COQ8B: variants seen among roughly 807,000 people sequenced by gnomAD.
The protein encoded by COQ8B is coenzyme Q8B.
Under a neutral mutation model 62.0 loss-of-function variants are expected in COQ8B, and 44 were observed. The observed-to-expected ratio is 0.71, with a 90% CI of 0.56 to 0.91. The LOEUF is 0.91. Among genes scored for constraint, COQ8B ranks in the 40% least tolerant of loss-of-function variants. The probability of loss-of-function intolerance (pLI) is 0.00; values close to 1 mark genes in which losing one functional copy is unlikely to be tolerated. For synonymous variants in COQ8B, 252 were observed against 289.9 expected, an observed-to-expected ratio of 0.87 and a Z score of 1.33; for missense variants, 649 against 731.6, an observed-to-expected ratio of 0.89 and a Z score of 1.30.
intron 4 of COQ8B, among the ~76,000 whole-genome samples, 191 bp downstream of exon 4, chr19:40,713,876 C>CAA (rs374895523): frequency 6.9e-5 from 8 of 116,548 alleles, no homozygotes; most frequent in Admixed American, 3.6e-4. Flanking sequence ...GACTCTGTCT[C>CAA]AAAAAAAAAA....
rs1182011210 is a variant in COQ8B, at chr19:40,692,077, G to A, written c.1593C>T (p.Gly531=). Residue 531 remains glycine (G), a synonymous_variant, in exon 15 of 15, where the codon GGC becomes GGT. Coordinates refer to ENST00000324464, the MANE Select transcript of COQ8B (RefSeq NM_024876.4). ...ASRQPDAATA[G]SLPTKGDSWV... ...AGGAGTCCCCTTTGGTGGGGAGGCT[G>A]CCGGCAGTGGCTGCGTCTGGCTGGC... is the stretch of plus-strand genomic sequence containing the variant. 3.1e-6 allele frequency: 5 copies of A among 1,608,414 alleles called. No homozygotes were observed. The highest frequency in any genetic ancestry group is 1.7e-5 in the Admixed American group (1 of 59,264).
intron 5 of COQ8B, among the ~76,000 whole-genome samples, chr19:40,709,833 C>A (rs751114448): frequency 6.6e-6 from 1 of 151,926 alleles, no homozygotes; most frequent in Non-Finnish European, 1.5e-5. Context: ...CAGAGTGAGA[C>A]TCCATCTCAA....
Position 40,714,532 on chromosome 19 carries a change from C to T in COQ8B, c.101G>A (p.Trp34Ter), listed in dbSNP as rs1057519345. 3.7e-6 allele frequency: 6 copies of T among 1,613,762 alleles called. No homozygotes were observed. The highest frequency in any genetic ancestry group is 4.2e-6 in the Non-Finnish European group (5 of 1,179,910). ...GGGACCTGCTCCCTAGCCTCTTACC[C>T]AGCGGTGGGGCCCAGGCCCCAGGGC... ...CGALGPGPHR[W>*]GPCGGSWAQK... Residue 34 changes from tryptophan (W) to a stop codon, truncating the protein, a stop_gained and splice_region_variant, in exon 2 of 15, where the codon TGG becomes TAG. Coordinates refer to ENST00000324464, the MANE Select transcript of COQ8B (RefSeq NM_024876.4). LOFTEE classifies it high-confidence loss of function.
chr19:40,716,145 G>A (rs1335242151), intron 1 of COQ8B, among the ~76,000 whole-genome samples: 1 of 152,072 alleles, frequency 6.6e-6, no homozygotes, highest in African/African-American at 2.4e-5. Flanking sequence ...GTGGGCTCCT[G>A]CCTTCGATTT....
intron 1 of COQ8B, chr19:40,715,256 G>C: frequency 1.0e-6 from 1 of 985,910 alleles, no homozygotes; most frequent in Admixed American, 6.1e-5. Context: ...TGGGCATCGG[G>C]GGCCCATCTG....
chr19:40,698,299 A>T (rs1271697456), intron 12 of COQ8B, among the ~76,000 whole-genome samples: 1 of 151,690 alleles, frequency 6.6e-6, no homozygotes, highest in Admixed American at 6.6e-5. Context: ...CCATAAAAAA[A>T]AAAAAAGTGC....
intron 4 of COQ8B, 142 bp from the exon 5 acceptor site, chr19:40,710,278 T>TCAAA: frequency 6.6e-6 from 5 of 752,716 alleles, no homozygotes; most frequent in Non-Finnish European, 6.4e-6. Flanking sequence ...GGAGTCTCGC[T>TCAAA]CTGTTGCCCA....
intron 13 of COQ8B, among the ~76,000 whole-genome samples, chr19:40,693,471 G>A (rs183194510): frequency 4.3e-4 from 65 of 152,328 alleles, no homozygotes; most frequent in African/African-American, 1.5e-3. Flanking sequence ...TTAGTCGCAC[G>A]GGGCACAGGG....
At chr19:40,700,571 C>T (rs963088116) in intron 10 of COQ8B, 120 bp from the exon 11 acceptor site, 105 of 1,237,246 alleles carry the variant, frequency 8.5e-5, no homozygotes, top group Non-Finnish European at 1.2e-4. Flanking sequence ...GCCCTCCCTC[C>T]TGCCCATCTC....
chr19:40,705,515 A>C, intron 5 of COQ8B, 68 bp from the exon 6 acceptor site: 1 of 1,473,010 alleles, frequency 6.8e-7, no homozygotes, highest in Non-Finnish European at 9.0e-7. Flanking sequence ...CCGGCGGCCC[A>C]CGCCTGTAAT....
chr19:40,700,524 G>A, intron 10 of COQ8B, 73 bp from the exon 11 acceptor site: 1 of 1,542,728 alleles, frequency 6.5e-7, no homozygotes, highest in Non-Finnish European at 8.8e-7. Context: ...CCTCCTCCTT[G>A]TGCTCTCAGA....
chr19:40,713,500 G>A (rs1453845276), intron 4 of COQ8B, among the ~76,000 whole-genome samples: 1 of 150,260 alleles, frequency 6.7e-6, no homozygotes. Context: ...AGTGAGCCAA[G>A]ATGGCGCCAC....
At position 40,691,832 on chromosome 19, in the gene COQ8B, C is replaced by A; in HGVS notation, c.*203G>T. 2.3e-6 allele frequency: 1 copy of A among 438,374 alleles called. No individual in the cohort carries two copies. Among genetic ancestry groups the A allele is most frequent in the Non-Finnish European group, 4.0e-6 (1 of 253,028 alleles). 27.2% of individuals were successfully genotyped at this position (438,374 alleles called of 1,614,324 possible). On this transcript the variant is annotated 3_prime_UTR_variant, in exon 15 of 15. Transcript: ENST00000324464. ...GGCTTAGTTTTCGGATACCCACTTT[C>A]GAGTGGGGAGGTGCAGGATCTAGGG...
chr19:40,704,450 C>T (rs2082085016), intron 7 of COQ8B: 1 of 153,418 alleles, frequency 6.5e-6, no homozygotes, highest in Non-Finnish European at 1.5e-5. Flanking sequence ...TACACGTGGC[C>T]AACCATCCTT....
At chr19:40,693,080 C>T (rs763146504) in intron 13 of COQ8B, 43 bp from the exon 14 acceptor site, 2 of 1,559,480 alleles carry the variant, frequency 1.3e-6, no homozygotes, top group African/African-American at 2.7e-5. Flanking sequence ...GGCCGGGGCT[C>T]AAGGGGGCTC....
chr19:40,699,815 T>C (rs1190518932), intron 12 of COQ8B, among the ~76,000 whole-genome samples: 2 of 152,202 alleles, frequency 1.3e-5, no homozygotes, highest in African/African-American at 4.8e-5. Flanking sequence ...TTTCCACTTC[T>C]GGCCAAAGCA....
At position 40,702,903 on chromosome 19, in the gene COQ8B, C is replaced by T. The variant is rs8103540; in HGVS notation, c.800-210G>A. Among the ~76,000 whole-genome samples the T allele has an allele frequency of 3.4e-3, 522 of 152,008 alleles. 6 individuals are homozygous for T. The highest frequency in any genetic ancestry group is 0.012 in the African/African-American group (503 of 41,392). On this transcript the variant is annotated intron_variant, in intron 9 of 14. Transcript: ENST00000324464. ...TGTCCCTCTCCTGTCTCCCCCGCTG[C>T]CCCTTGCAGCTCCTGCTCCAGGCCT...
At chr19:40,713,297 C>T (rs1396834526) in intron 4 of COQ8B, among the ~76,000 whole-genome samples, 2 of 152,114 alleles carry the variant, frequency 1.3e-5, no homozygotes. Flanking sequence ...AAAGCGAGGA[C>T]ATAGCAGAGT....
chr19:40,692,877 C>G (rs2081984685), intron 14 of COQ8B, 74 bp downstream of exon 14: 1 of 1,361,018 alleles, frequency 7.3e-7, no homozygotes, highest in African/African-American at 1.4e-5. Flanking sequence ...TCGAGTTCCT[C>G]AGTGGAGATA....
Sources: allele counts gnomAD v4.1 joint callset (sites outside exome capture counted in the v4.1 genomes callset), GRCh38; gene constraint gnomAD v4.1.1; transcripts MANE v1.5; gene names NCBI Gene and HGNC (gene_info 2026-07-23, HGNC 2026-07-21).